The following TP53I11 variants were observed in gnomAD, a reference collection of about 807,000 sequenced individuals.
The protein encoded by TP53I11 is tumor protein p53-inducible protein 11.
In TP53I11, 9 loss-of-function variants were observed where a neutral mutation model predicts 23.3. The observed-to-expected ratio is 0.39, with a 90% CI of 0.23 to 0.67. The LOEUF (loss-of-function observed/expected upper bound fraction) is 0.67, where lower values mean the gene tolerates loss of function less well. Among genes scored for constraint, TP53I11 ranks in the 30% least tolerant of loss-of-function variants. TP53I11 has a pLI of 0.48. For synonymous variants in TP53I11, 100 were observed against 106.1 expected (o/e 0.94, Z 0.35); for missense variants, 170 against 255.2 (o/e 0.67, Z 2.27).
intron 1 of TP53I11, among the ~76,000 whole-genome samples, chr11:44,944,534 C>T (rs922805919): frequency 1.3e-5 from 2 of 152,312 alleles, no homozygotes; most frequent in Admixed American, 1.3e-4. Context: ...AAGACTAAAC[C>T]AGCCAGGAAG....
Position 44,939,761 on chromosome 11 carries a change from G to A in TP53I11, c.-31-1395C>T, listed in dbSNP as rs534751744. 2.4e-4 allele frequency among the ~76,000 whole-genome samples: 36 copies of A among 152,328 alleles called. No individual in the cohort carries two copies. In the East Asian group the frequency reaches 4.8e-3, roughly 20 times the overall value. On this transcript the variant is annotated intron_variant, in intron 1 of 6. Transcript: ENST00000525680. ...AAAAACTGCAAAAGTTGCTATTGGC[G>A]GTCTTTAGTGAGTGTGATGTCATTT...
chr11:44,938,743 G>A (rs1159594593), intron 1 of TP53I11, among the ~76,000 whole-genome samples: 3 of 152,138 alleles, frequency 2.0e-5, no homozygotes, highest in Non-Finnish European at 4.4e-5. Context: ...GGCAAATGAG[G>A]TTTAGAAAAG....
At chr11:44,944,848 C>T (rs1229144328) in intron 1 of TP53I11, among the ~76,000 whole-genome samples, 2 of 152,106 alleles carry the variant, frequency 1.3e-5, no homozygotes, top group African/African-American at 4.8e-5. Flanking sequence ...AAGGTGGCTG[C>T]CCAGGCTCTG....
Position 44,938,233 on chromosome 11 carries a change from C to T in TP53I11, c.103G>A (p.Asp35Asn). Reference sequence around the variant, plus strand: ...TTGGAGCGATGCACCTCCCCGTCGTCATCCTCCCCGCCCACGCCGAGGATC... The same window carrying T: ...TTGGAGCGATGCACCTCCCCGTCGTTATCCTCCCCGCCCACGCCGAGGATC... ...RKILGVGGEDDDGEVHRSKIS... is the reference protein window; with the variant it reads ...RKILGVGGEDNDGEVHRSKIS... The change falls in exon 2 of 7, where the codon GAC becomes AAC. Residue 35 changes from aspartate (D) to asparagine (N), a missense_variant. Transcript: ENST00000525680. 1 of 1,613,346 alleles carries T rather than the reference C, an allele frequency of 6.2e-7. No individual in the cohort carries two copies. Among genetic ancestry groups the T allele is most frequent in the Non-Finnish European group, 8.5e-7 (1 of 1,179,774 alleles).
At chr11:44,944,057 C>T (rs551415710) in intron 1 of TP53I11, among the ~76,000 whole-genome samples, 2 of 152,192 alleles carry the variant, frequency 1.3e-5, no homozygotes, top group Non-Finnish European at 2.9e-5. Flanking sequence ...TGGCCTTAAG[C>T]GAGCAGTCTC....
Position 44,937,548 on chromosome 11 carries a change from T to A in TP53I11, c.188+7A>T, listed in dbSNP as rs201960226. 4.3e-6 allele frequency: 7 copies of A among 1,613,360 alleles called. No individual in the cohort carries two copies. Among genetic ancestry groups the A allele is most frequent in the Non-Finnish European group, 5.1e-6 (6 of 1,179,716 alleles). On this transcript the variant is annotated splice_region_variant and intron_variant, in intron 3 of 6. Transcript: ENST00000525680. ...CCCCTCCCCCAAAAAGTCAGGTAAATGCTCACCTGAGCCCCAAAGGCTCCC... is the reference window on the plus strand; with the variant it reads ...CCCCTCCCCCAAAAAGTCAGGTAAAAGCTCACCTGAGCCCCAAAGGCTCCC...
At chr11:44,941,456 C>T (rs994474032) in intron 1 of TP53I11, among the ~76,000 whole-genome samples, 1 of 152,174 alleles carries the variant, frequency 6.6e-6, no homozygotes, top group Non-Finnish European at 1.5e-5. Context: ...GAGGACGCTC[C>T]CTGGATTTGA....
At chr11:44,935,077 C>A in intron 6 of TP53I11, 60 bp from the exon 7 acceptor site, 1 of 1,601,140 alleles carries the variant, frequency 6.2e-7, no homozygotes, top group Middle Eastern at 1.7e-4. Context: ...CCCAGCGCTG[C>A]CCCCCTAGCC....
chr11:44,938,182 C>G, intron 2 of TP53I11, 25 bp downstream of exon 2: 9 of 1,604,000 alleles, frequency 5.6e-6, no homozygotes, highest in Non-Finnish European at 7.7e-6. Flanking sequence ...CAGTGGGTGC[C>G]GGAGGCCCCT....
Position 44,937,356 on chromosome 11 carries a change from G to A in TP53I11, c.189-4C>T. 1 of 1,475,946 alleles carries A rather than the reference G, an allele frequency of 6.8e-7. No individual in the cohort carries two copies. Among genetic ancestry groups the A allele is most frequent in the African/African-American group, 1.4e-5 (1 of 70,590 alleles). The allele number at this position is 1,475,946 out of a possible 1,614,324, so 91.4% of individuals were successfully genotyped here. A position where few individuals can be genotyped will look rare whatever the true frequency, so the allele number is the denominator to read the frequency against. ...AGCAGAGACGAACTGCCAGACCCTG[G>A]GAGGCGTGGAAAGAAGATCACAGCC... On this transcript the variant is annotated splice_region_variant and splice_polypyrimidine_tract_variant and intron_variant, in intron 3 of 6. Coordinates refer to ENST00000525680, the MANE Select transcript of TP53I11 (RefSeq NM_006034.5).
At chr11:44,946,875 C>T (rs1862436482) in intron 1 of TP53I11, among the ~76,000 whole-genome samples, 1 of 152,242 alleles carries the variant, frequency 6.6e-6, no homozygotes, top group Non-Finnish European at 1.5e-5. Context: ...CTCAAGCTGC[C>T]TCATCCCCAA....
At chr11:44,937,187 C>T (rs1199975022) in intron 4 of TP53I11, 117 bp downstream of exon 4, 6 of 1,338,214 alleles carry the variant, frequency 4.5e-6, no homozygotes, top group Non-Finnish European at 5.2e-6. Flanking sequence ...GCCCCAGAGC[C>T]TGACAGATGG....
chr11:44,935,868 C>T lies in TP53I11; in HGVS notation c.335-206G>A, dbSNP rs77614051. The T allele has an allele frequency of 9.9e-3, 5,921 of 596,794 alleles. 266 individuals are homozygous for T. Among genetic ancestry groups the T allele is most frequent in the African/African-American group, 0.095 (5,142 of 53,856 alleles). The allele number at this position is 596,794 out of a possible 1,614,324, so 37.0% of individuals were successfully genotyped here. On this transcript the variant is annotated intron_variant, in intron 5 of 6. Transcript: ENST00000525680. Reference sequence around the variant, plus strand: ...TCCAGACTCAATGCTGCTGCTTCAGCCTGCTCCTGTCATTCCAAGGCCCTA... The same window carrying T: ...TCCAGACTCAATGCTGCTGCTTCAGTCTGCTCCTGTCATTCCAAGGCCCTA...
Position 44,936,911 on chromosome 11 carries a change from G to A in TP53I11, c.238-12C>T, listed in dbSNP as rs1158242585. Reference sequence around the variant, plus strand: ...GGGAAGGCAAGCGCCTGCGGGCAGCGAGAGGGGCTCAGAGGTCCCGCTTGG... The same window carrying A: ...GGGAAGGCAAGCGCCTGCGGGCAGCAAGAGGGGCTCAGAGGTCCCGCTTGG... On this transcript the variant is annotated splice_polypyrimidine_tract_variant and intron_variant, in intron 4 of 6. Transcript: ENST00000525680. The surrounding 1 kb of genome is among the most constrained non-coding windows in gnomAD (Gnocchi z 4.4). 7 of 1,592,486 alleles carry A rather than the reference G, an allele frequency of 4.4e-6. No individual in the cohort carries two copies. The highest frequency in any genetic ancestry group is 4.0e-5 in the African/African-American group (3 of 74,424).
At chr11:44,937,736 T>G (rs2135436349) in intron 2 of TP53I11, 123 bp from the exon 3 acceptor site, 1 of 972,994 alleles carries the variant, frequency 1.0e-6, no homozygotes, top group Non-Finnish European at 1.6e-6. Context: ...TGGCCAAAGG[T>G]TCCCCCAGGT....
chr11:44,946,597 C>A (rs1223528580), intron 1 of TP53I11, among the ~76,000 whole-genome samples: 2 of 152,218 alleles, frequency 1.3e-5, no homozygotes, highest in African/African-American at 2.4e-5. Flanking sequence ...AGGTTCCACG[C>A]CCCATTTCCA....
chr11:44,935,681 A>C lies in TP53I11; in HGVS notation c.335-19T>G. 49 of 538,844 alleles carry C rather than the reference A, an allele frequency of 9.1e-5. No individual in the cohort carries two copies. Among genetic ancestry groups the C allele is most frequent in the Non-Finnish European group, 1.5e-4 (45 of 308,638 alleles). 33.4% of individuals were successfully genotyped at this position (538,844 alleles called of 1,614,324 possible). A position where few individuals can be genotyped will look rare whatever the true frequency, so the allele number is the denominator to read the frequency against. ...GAGATGCCTGGGGCGGGGGATGAAA[A>C]GGGGGCTGGGGGTGGGACAGCTGAC... is the stretch of plus-strand genomic sequence containing the variant. On this transcript the variant is annotated intron_variant, in intron 5 of 6. Transcript: ENST00000525680.
chr11:44,936,150 A>C lies in TP53I11; in HGVS notation c.335-488T>G. 1.1e-6 allele frequency: 1 copy of C among 915,592 alleles called. No individual in the cohort carries two copies. Among genetic ancestry groups the C allele is most frequent in the Non-Finnish European group, 1.3e-6 (1 of 759,796 alleles). The allele number at this position is 915,592 out of a possible 1,614,324, so 56.7% of individuals were successfully genotyped here. On this transcript the variant is annotated intron_variant, in intron 5 of 6. Coordinates refer to ENST00000525680, the MANE Select transcript of TP53I11 (RefSeq NM_006034.5). The surrounding 1 kb of genome is among the most constrained non-coding windows in gnomAD (Gnocchi z 4.4). Reference sequence around the variant, plus strand: ...AGGGGGATGAACCATACTTTTTAGCAGAAGACCACTGACTTGGCCTCTAGC... The same window carrying C: ...AGGGGGATGAACCATACTTTTTAGCCGAAGACCACTGACTTGGCCTCTAGC...
Position 44,934,648 on chromosome 11 carries a change from G to C in TP53I11, c.*236C>G, listed in dbSNP as rs1860878828. The C allele has an allele frequency of 1.8e-6, 1 of 555,488 alleles. No individual in the cohort carries two copies. 34.4% of individuals were successfully genotyped at this position (555,488 alleles called of 1,614,324 possible). ...AAGGAGGTATCACTGTGAGGGTGAAGAACAGGGCAGCAGAGGCCCTGTCTC... is the reference window on the plus strand; with the variant it reads ...AAGGAGGTATCACTGTGAGGGTGAACAACAGGGCAGCAGAGGCCCTGTCTC... On this transcript the variant is annotated 3_prime_UTR_variant, in exon 7 of 7. Transcript: ENST00000525680.
Sources: allele counts gnomAD v4.1 joint callset (sites outside exome capture counted in the v4.1 genomes callset), GRCh38; gene constraint gnomAD v4.1.1; non-coding constraint Gnocchi (gnomAD v3.1); transcripts MANE v1.5; gene names NCBI Gene and HGNC (gene_info 2026-07-23, HGNC 2026-07-21).